Variants in ZFHX3 observed in about 807,000 individuals in gnomAD.
ZFHX3 encodes the protein zinc finger homeobox protein 3.
ZFHX3 carries 42 observed loss-of-function variants against 279.1 expected under a neutral mutation model. The ratio of observed to expected loss-of-function variants is 0.15; its 90% CI spans 0.12 to 0.19. The LOEUF is 0.19. Ranked by LOEUF, ZFHX3 falls within the 10% of genes least tolerant of loss-of-function variation. The pLI, the probability that ZFHX3 is intolerant of heterozygous loss-of-function variation, is 1.00. For synonymous variants in ZFHX3, 2,293 were observed against 1,957.8 expected (o/e 1.17, Z -4.52); for missense variants, 4,981 against 4,754.0 (o/e 1.05, Z -1.40).
chr16:73,003,121 C>A (rs1414357072), intron 1 of ZFHX3, among the ~76,000 whole-genome samples: 1 of 152,162 alleles, frequency 6.6e-6, no homozygotes, highest in Non-Finnish European at 1.5e-5. Context: ...CATATGGCTG[C>A]ACCACAGTTT....
At chr16:73,288,215 T>A (rs900062168) in intron 4 of ZFHX3, among the ~76,000 whole-genome samples, 6 of 146,670 alleles carry the variant, frequency 4.1e-5, no homozygotes, top group African/African-American at 1.5e-4. Flanking sequence ...GGGGCTGGGG[T>A]GGAGAGGTGG....
At chr16:73,394,157 G>A (rs142986555) in intron 3 of ZFHX3, among the ~76,000 whole-genome samples, 2,512 of 150,334 alleles carry the variant, frequency 0.017, 76 homozygotes, top group African/African-American at 0.058. Flanking sequence ...CAGTTTCTCT[G>A]TTGGCTGTCT....
intron 1 of ZFHX3, among the ~76,000 whole-genome samples, chr16:73,763,811 CAGAG>C (rs1393193129): frequency 6.6e-6 from 1 of 151,892 alleles, no homozygotes; most frequent in Non-Finnish European, 1.5e-5. Context: ...GTCCTGGGGT[CAGAG>C]ACTAAGCAGC....
chr16:73,197,514 C>T (rs766596706), intron 5 of ZFHX3, among the ~76,000 whole-genome samples: 1 of 152,176 alleles, frequency 6.6e-6, no homozygotes, highest in Non-Finnish European at 1.5e-5. Context: ...TATGCTCATG[C>T]AAGGAGGTGA....
At chr16:73,606,278 T>G (rs1299690557) in intron 2 of ZFHX3, among the ~76,000 whole-genome samples, 1 of 135,770 alleles carries the variant, frequency 7.4e-6, no homozygotes, top group Non-Finnish European at 1.5e-5. Flanking sequence ...GAGGCCGAGG[T>G]GGGCAGGTCA....
At chr16:73,564,419 C>A (rs1323425520) in intron 2 of ZFHX3, among the ~76,000 whole-genome samples, 1 of 152,194 alleles carries the variant, frequency 6.6e-6, no homozygotes, top group Non-Finnish European at 1.5e-5. Context: ...TCGGTTCTAT[C>A]CCTTCAAGAT....
At chr16:73,242,291 A>G (rs1300277458) in intron 5 of ZFHX3, among the ~76,000 whole-genome samples, 2 of 152,134 alleles carry the variant, frequency 1.3e-5, no homozygotes, top group Non-Finnish European at 2.9e-5. Flanking sequence ...ATTATACAGT[A>G]GGGTCCTGGT....
At chr16:72,831,854 C>T (rs925375470) in intron 4 of ZFHX3, among the ~76,000 whole-genome samples, 3 of 152,188 alleles carry the variant, frequency 2.0e-5, no homozygotes, top group Non-Finnish European at 4.4e-5. Flanking sequence ...ACATTTATGC[C>T]TATTGTTCCA....
At chr16:73,654,018 A>C (rs1156444700) in intron 2 of ZFHX3, among the ~76,000 whole-genome samples, 1 of 152,030 alleles carries the variant, frequency 6.6e-6, no homozygotes, top group Non-Finnish European at 1.5e-5. Flanking sequence ...CCCCGTCTCT[A>C]CTAAAAATAC....
chr16:73,324,904 C>T (rs1472698210), intron 3 of ZFHX3, among the ~76,000 whole-genome samples: 1 of 152,204 alleles, frequency 6.6e-6, no homozygotes, highest in Admixed American at 6.5e-5. Context: ...AGAGTGCTTC[C>T]AATTATCTCA....
At chr16:73,535,547 C>T (rs1187145871) in intron 2 of ZFHX3, among the ~76,000 whole-genome samples, 1 of 152,098 alleles carries the variant, frequency 6.6e-6, no homozygotes, top group African/African-American at 2.4e-5. Flanking sequence ...AGACACTCTC[C>T]ATCTCCCATG....
chr16:73,591,205 T>C (rs1342102179), intron 2 of ZFHX3, among the ~76,000 whole-genome samples: 1 of 151,224 alleles, frequency 6.6e-6, no homozygotes, highest in Non-Finnish European at 1.5e-5. Context: ...GCAAAAAAAT[T>C]TGCCGGGCAT....
intron 3 of ZFHX3, among the ~76,000 whole-genome samples, chr16:72,926,132 A>G (rs969492115): frequency 2.1e-4 from 32 of 152,222 alleles, no homozygotes; most frequent in African/African-American, 7.7e-4. Flanking sequence ...TGAAACCTTT[A>G]AAAACTTAAC....
intron 4 of ZFHX3, among the ~76,000 whole-genome samples, chr16:72,882,388 C>T (rs966186970): frequency 4.6e-5 from 7 of 152,114 alleles, no homozygotes; most frequent in Non-Finnish European, 8.8e-5. Flanking sequence ...AAACAACACG[C>T]ACAAAACCCT....
chr16:73,694,635 C>T (rs956540535), intron 1 of ZFHX3, among the ~76,000 whole-genome samples: 1 of 152,158 alleles, frequency 6.6e-6, no homozygotes, highest in African/African-American at 2.4e-5. Flanking sequence ...AGCCACTGTG[C>T]CTGGCCAAAA....
At chr16:73,253,455 C>CTTTT (rs377414876) in intron 5 of ZFHX3, among the ~76,000 whole-genome samples, 2 of 129,854 alleles carry the variant, frequency 1.5e-5, no homozygotes, top group African/African-American at 3.1e-5. Flanking sequence ...CTTTCTTTCT[C>CTTTT]TTTTTTTTTT....
chr16:72,868,451 C>T (rs780274927), intron 4 of ZFHX3, among the ~76,000 whole-genome samples: 4 of 152,204 alleles, frequency 2.6e-5, no homozygotes, highest in Non-Finnish European at 4.4e-5. Context: ...CATCCTGCAC[C>T]TTACATAAGC....
chr16:73,301,585 C>T (rs1470301582), intron 4 of ZFHX3, among the ~76,000 whole-genome samples: 1 of 152,080 alleles, frequency 6.6e-6, no homozygotes, highest in Non-Finnish European at 1.5e-5. Context: ...CAAAATTAGC[C>T]CCAGTTGAGA....
intron 1 of ZFHX3, among the ~76,000 whole-genome samples, chr16:73,735,582 A>T (rs1004914399): frequency 1.3e-4 from 20 of 152,164 alleles, no homozygotes; most frequent in Non-Finnish European, 2.6e-4. Context: ...TTTGCAACAC[A>T]AATGTATATG....
Sources: allele counts gnomAD v4.1 joint callset (sites outside exome capture counted in the v4.1 genomes callset), GRCh38; gene constraint gnomAD v4.1.1; transcripts MANE v1.5; gene names NCBI Gene and HGNC (gene_info 2026-07-23, HGNC 2026-07-21).